Variants in ACTR6 observed in about 807,000 individuals in gnomAD.
The protein encoded by ACTR6 is actin related protein 6, also known as actin-related protein 6.
A neutral mutation model predicts 52.5 loss-of-function variants in ACTR6; 50 were observed. The ratio of observed to expected loss-of-function variants is 0.95; its 90% CI spans 0.76 to 1.20. ACTR6 has a LOEUF of 1.20. Ranked by LOEUF, ACTR6 falls within the 50% of genes most tolerant of loss-of-function variation. The pLI, the probability that ACTR6 is intolerant of heterozygous loss-of-function variation, is 0.00. For missense variants in ACTR6, 344 were observed against 472.4 expected, an observed-to-expected ratio of 0.73 and a Z score of 2.52; for synonymous variants, 135 against 147.2, an observed-to-expected ratio of 0.92 and a Z score of 0.60.
chr12:100,205,800 A>G, intron 3 of ACTR6, 56 bp downstream of exon 3: 1 of 1,009,386 alleles, frequency 9.9e-7, no homozygotes, highest in Non-Finnish European at 1.4e-6. Context: ...TGTAATGAAA[A>G]ATTAGAATTT....
chr12:100,202,500 T>C lies in ACTR6; in HGVS notation c.68+1581T>C, dbSNP rs189159007. Among the ~76,000 whole-genome samples the C allele has an allele frequency of 5.3e-5, 8 of 152,212 alleles. No individual in the cohort carries two copies. The East Asian group carries it at 1.4e-3, about 26-fold the overall frequency. ...GGTGTAAAACATTTTTTTACAGTAT[T>C]ATCCCAGTGTCATCTCGTATACACA... is the stretch of plus-strand genomic sequence containing the variant. On this transcript the variant is annotated intron_variant, in intron 1 of 10. Transcript: ENST00000188312.
At chr12:100,213,859 G>A (rs1350539033) in intron 8 of ACTR6, among the ~76,000 whole-genome samples, 2 of 152,214 alleles carry the variant, frequency 1.3e-5, no homozygotes, top group Non-Finnish European at 2.9e-5. Context: ...CTGTTGGGAA[G>A]TTAAAAATCT....
chr12:100,204,535 G>GT (rs1036205378), intron 1 of ACTR6, among the ~76,000 whole-genome samples: 36 of 151,014 alleles, frequency 2.4e-4, no homozygotes, highest in Admixed American at 1.4e-3. Context: ...TAATTTTTGT[G>GT]TTTTTTTTTA....
chr12:100,217,479 G>A (rs1240447124), intron 8 of ACTR6, among the ~76,000 whole-genome samples: 1 of 152,140 alleles, frequency 6.6e-6, no homozygotes, highest in Non-Finnish European at 1.5e-5. Flanking sequence ...CCTGAATCTA[G>A]GAAAGCTGAT....
chr12:100,210,266 A>C, intron 5 of ACTR6, 29 bp from the exon 6 acceptor site: 2 of 1,611,796 alleles, frequency 1.2e-6, no homozygotes, highest in Non-Finnish European at 1.7e-6. Context: ...GATATGTGCG[A>C]TAATTAAATT....
chr12:100,216,896 T>C (rs1256567065), intron 8 of ACTR6, among the ~76,000 whole-genome samples: 1 of 148,902 alleles, frequency 6.7e-6, no homozygotes, highest in East Asian at 1.9e-4. Flanking sequence ...CCTGGAGTAT[T>C]TGTGAATACT....
At chr12:100,206,653 C>T (rs1258386914) in intron 3 of ACTR6, among the ~76,000 whole-genome samples, 1 of 151,000 alleles carries the variant, frequency 6.6e-6, no homozygotes, top group African/African-American at 2.4e-5. Flanking sequence ...TTGTCTTTGT[C>T]TTGTTCTGTC....
chr12:100,219,620 TCA>T (rs1317190593), intron 9 of ACTR6, among the ~76,000 whole-genome samples: 1 of 152,070 alleles, frequency 6.6e-6, no homozygotes, highest in African/African-American at 2.4e-5. Flanking sequence ...TTGTGGTAGC[TCA>T]CAGTCTCAGC....
At chr12:100,202,793 C>G (rs866420642) in intron 1 of ACTR6, among the ~76,000 whole-genome samples, 11 of 150,694 alleles carry the variant, frequency 7.3e-5, no homozygotes, top group South Asian at 4.2e-4. Flanking sequence ...GGAGGCGGAG[C>G]TTGCAGTGAG....
chr12:100,208,674 ATATTTCT>A (rs2096117175), intron 4 of ACTR6: 10 of 455,508 alleles, frequency 2.2e-5, no homozygotes, highest in Admixed American at 4.7e-5. Context: ...TACTGGCCAC[ATATTTCT>A]TATTTCTGAA....
At chr12:100,213,763 A>G (rs570223857) in intron 8 of ACTR6, among the ~76,000 whole-genome samples, 4 of 152,292 alleles carry the variant, frequency 2.6e-5, no homozygotes, top group African/African-American at 9.6e-5. Context: ...AATAATTTCT[A>G]TTTATCTTTT....
chr12:100,209,475 C>G (rs527642210), intron 4 of ACTR6, among the ~76,000 whole-genome samples: 1 of 152,314 alleles, frequency 6.6e-6, no homozygotes, highest in East Asian at 1.9e-4. Context: ...GTGCCATGAT[C>G]ATTACCACCG....
intron 4 of ACTR6, 145 bp downstream of exon 4, chr12:100,207,931 C>T (rs770803926): frequency 2.1e-5 from 16 of 773,654 alleles, no homozygotes; most frequent in South Asian, 1.5e-4. Flanking sequence ...GAGGCTGAGG[C>T]GAGTAGATCA....
chr12:100,222,257 GTTT>G (rs35143045), intron 10 of ACTR6, among the ~76,000 whole-genome samples: 25 of 123,442 alleles, frequency 2.0e-4, no homozygotes, highest in Non-Finnish European at 3.5e-4. Context: ...CTGGCTTTGG[GTTT>G]TTTTTTTTTT....
At chr12:100,208,033 C>T in intron 4 of ACTR6, 1 of 319,124 alleles carries the variant, frequency 3.1e-6, no homozygotes, top group Non-Finnish European at 6.0e-6. Flanking sequence ...TGGTGACACG[C>T]ACCTGTAGTC....
chr12:100,205,174 C>CA, intron 2 of ACTR6, 117 bp downstream of exon 2: 1 of 428,950 alleles, frequency 2.3e-6, no homozygotes. Context: ...TAATTAAACC[C>CA]AAATTAAAAT....
rs180937180 is a variant in ACTR6 at position 100,207,247 on chromosome 12, T to C, written c.256-416T>C. On this transcript the variant is annotated intron_variant, in intron 3 of 10. Transcript: ENST00000188312. ...TTTTATTTATTATTATTATTATTTT[T>C]TTAGTAGAGGTGGGGTCTTGCTGTG... 8.5e-4 allele frequency among the ~76,000 whole-genome samples: 129 copies of C among 152,090 alleles called. 2 individuals are homozygous for C. The highest frequency in any genetic ancestry group is 7.5e-3 in the Admixed American group (115 of 15,256).
intron 6 of ACTR6, among the ~76,000 whole-genome samples, chr12:100,210,915 T>C (rs1372730987): frequency 2.0e-5 from 3 of 152,206 alleles, no homozygotes; most frequent in Non-Finnish European, 4.4e-5. Context: ...TCCCTGACTG[T>C]GTCGCTGACC....
intron 8 of ACTR6, among the ~76,000 whole-genome samples, chr12:100,217,257 A>C (rs2096124594): frequency 1.3e-5 from 2 of 152,178 alleles, no homozygotes; most frequent in Admixed American, 1.3e-4. Flanking sequence ...TTTTTATGAT[A>C]GTTAGTGGAT....
Sources: allele counts gnomAD v4.1 joint callset (sites outside exome capture counted in the v4.1 genomes callset), GRCh38; gene constraint gnomAD v4.1.1; transcripts MANE v1.5; gene names NCBI Gene and HGNC (gene_info 2026-07-23, HGNC 2026-07-21).